PLCL2: variants seen among roughly 807,000 people sequenced by gnomAD.
PLCL2 encodes phospholipase C like 2.
PLCL2 carries 4 observed loss-of-function variants against 79.6 expected under a neutral mutation model. That is an observed-to-expected ratio of 0.05 (90% confidence interval 0.02 to 0.11). PLCL2 has a LOEUF of 0.11. Ranked by LOEUF, PLCL2 falls within the 10% of genes least tolerant of loss-of-function variation. The probability of loss-of-function intolerance (pLI) is 1.00; values close to 1 mark genes in which losing one functional copy is unlikely to be tolerated. For synonymous variants in PLCL2, 484 were observed against 457.7 expected (o/e 1.06, Z -0.73); for missense variants, 895 against 1,291.0 (o/e 0.69, Z 4.70).
Position 17,014,731 on chromosome 3 carries a change from G to A in PLCL2, c.2838G>A (p.Glu946=), listed in dbSNP as rs1227769633. Residue 946 remains glutamate (E), a synonymous_variant, in exon 3 of 6, where the codon GAG becomes GAA. Coordinates refer to ENST00000615277, the MANE Select transcript of PLCL2 (RefSeq NM_001144382.2). ...NMQNAVVSFK[E]LCGLSSVANL... ...AGAATGCGGTGGTGTCATTCAAGGA[G>A]CTGTGTGGCCTCTCCTCTGTGGCCA... is the stretch of plus-strand genomic sequence containing the variant. The A allele has an allele frequency of 3.1e-6, 5 of 1,613,790 alleles. No homozygotes were observed. The highest frequency in any genetic ancestry group is 1.7e-4 in the Middle Eastern group (1 of 6,006).
At chr3:17,005,960 T>G (rs2064256192) in intron 1 of PLCL2, among the ~76,000 whole-genome samples, 1 of 152,180 alleles carries the variant, frequency 6.6e-6, no homozygotes, top group Admixed American at 6.5e-5. Context: ...TTCTGAGAAA[T>G]AGTTTATACT....
intron 2 of PLCL2, 85 bp from the exon 3 acceptor site, chr3:17,014,623 C>A: frequency 9.4e-7 from 1 of 1,058,992 alleles, no homozygotes; most frequent in South Asian, 1.3e-5. Flanking sequence ...GTGGTTCAAG[C>A]ATAATCAGAT....
chr3:17,086,809 T>G (rs1001762724), intron 5 of PLCL2, among the ~76,000 whole-genome samples: 2 of 151,342 alleles, frequency 1.3e-5, no homozygotes, highest in Non-Finnish European at 2.9e-5. Context: ...CAAAGAACCC[T>G]TAAAACTCAA....
chr3:16,977,499 A>G (rs941003724), intron 1 of PLCL2, among the ~76,000 whole-genome samples: 3 of 152,106 alleles, frequency 2.0e-5, no homozygotes, highest in African/African-American at 4.8e-5. Context: ...CTATTATTCC[A>G]TGGAGGAGCT....
At chr3:16,986,844 A>C (rs1002333857) in intron 1 of PLCL2, among the ~76,000 whole-genome samples, 5 of 152,140 alleles carry the variant, frequency 3.3e-5, no homozygotes, top group Non-Finnish European at 5.9e-5. Flanking sequence ...CAAGCTGACG[A>C]TAGCCCGTCA....
rs1240487986 is a variant in PLCL2 at position 17,012,020 on chromosome 3, A to G, written c.2674A>G (p.Arg892Gly). Residue 892 changes from arginine to glycine, a missense_variant, in exon 2 of 6, where the codon AGG becomes GGG. Coordinates refer to ENST00000615277, the MANE Select transcript of PLCL2 (RefSeq NM_001144382.2). ...AAGAGGAGGAGGAAAGCCTCATAAA[A>G]GGGGCCTTTCTGTGAGAAAAGGGAA... is the stretch of plus-strand genomic sequence containing the variant. ...NRRGGGKPHK[R>G]GLSVRKGKKS... The G allele has an allele frequency of 6.2e-7, 1 of 1,614,184 alleles. No individual in the cohort carries two copies. The highest frequency in any genetic ancestry group is 1.3e-5 in the African/African-American group (1 of 75,056).
chr3:16,929,683 G>A (rs1697349049), intron 1 of PLCL2, among the ~76,000 whole-genome samples: 1 of 152,168 alleles, frequency 6.6e-6, no homozygotes. Flanking sequence ...CTGGGCAGGA[G>A]GATTTCTCAC....
chr3:16,908,091 G>T (rs955102435), intron 1 of PLCL2, among the ~76,000 whole-genome samples: 2 of 151,968 alleles, frequency 1.3e-5, no homozygotes, highest in Non-Finnish European at 2.9e-5. Flanking sequence ...TGGGTTTTCT[G>T]TCTCTCTATT....
At chr3:17,055,717 T>C (rs1454024599) in intron 4 of PLCL2, among the ~76,000 whole-genome samples, 1 of 152,180 alleles carries the variant, frequency 6.6e-6, no homozygotes, top group Non-Finnish European at 1.5e-5. Context: ...ATTTGCATTG[T>C]GGTGAGCACA....
At chr3:16,935,936 C>G (rs1241202187) in intron 1 of PLCL2, among the ~76,000 whole-genome samples, 1 of 152,190 alleles carries the variant, frequency 6.6e-6, no homozygotes, top group Non-Finnish European at 1.5e-5. Flanking sequence ...TCACTGATAG[C>G]TCATGTTATC....
intron 1 of PLCL2, among the ~76,000 whole-genome samples, chr3:16,931,089 G>T (rs908527774): frequency 6.6e-6 from 1 of 151,756 alleles, no homozygotes; most frequent in Non-Finnish European, 1.5e-5. Context: ...TACATCCTTG[G>T]CAAGCCATTC....
At position 16,886,508 on chromosome 3, in the gene PLCL2, T is replaced by C. The variant is rs373347652; in HGVS notation, c.327+1142T>C. 5.3e-4 allele frequency among the ~76,000 whole-genome samples: 80 copies of C among 152,366 alleles called. No homozygotes were observed. Among genetic ancestry groups the C allele is most frequent in the African/African-American group, 1.2e-3 (49 of 41,590 alleles). On this transcript the variant is annotated intron_variant, in intron 1 of 5. Transcript: ENST00000615277. This position sits in a 1 kb window ranked among gnomAD's most constrained non-coding sequence, Gnocchi z 4.2. ...AATGTCTGATGGTGTTATCAACTTATGCAGTAATCTAGTGAAATATACCAT... is the reference window on the plus strand; with the variant it reads ...AATGTCTGATGGTGTTATCAACTTACGCAGTAATCTAGTGAAATATACCAT...
chr3:17,043,008 C>A, intron 4 of PLCL2, 59 bp downstream of exon 4: 1 of 1,102,546 alleles, frequency 9.1e-7, no homozygotes, highest in Non-Finnish European at 1.4e-6. Context: ...ATACTTTGCC[C>A]CAAAACTATT....
chr3:17,084,409 G>C (rs1429972275), intron 5 of PLCL2, among the ~76,000 whole-genome samples: 1 of 152,184 alleles, frequency 6.6e-6, no homozygotes, highest in Non-Finnish European at 1.5e-5. Flanking sequence ...TAGAAGCAGA[G>C]TGAATACTTC....
intron 1 of PLCL2, among the ~76,000 whole-genome samples, chr3:16,902,093 C>A (rs1454748605): frequency 6.6e-6 from 1 of 152,190 alleles, no homozygotes; most frequent in Non-Finnish European, 1.5e-5. Context: ...CTCTAGCATG[C>A]CCCCAGCCAT....
intron 1 of PLCL2, among the ~76,000 whole-genome samples, chr3:16,927,930 G>A (rs1007758280): frequency 6.6e-6 from 1 of 152,166 alleles, no homozygotes; most frequent in Admixed American, 6.5e-5. Flanking sequence ...GCCAAGAGGC[G>A]AACATGCAGC....
chr3:16,979,870 G>T lies in PLCL2; in HGVS notation c.328-29804G>T, dbSNP rs1253673363. On this transcript the variant is annotated intron_variant, in intron 1 of 5. Coordinates refer to ENST00000615277, the MANE Select transcript of PLCL2 (RefSeq NM_001144382.2). The stretch of plus-strand genomic sequence containing the variant: ...CTGTTGGGTACACCTCCCAGACGGG[G>T]TGGTGGCCGGGCAGAGGGGCTCCTC... 9.9e-5 allele frequency among the ~76,000 whole-genome samples: 15 copies of T among 150,792 alleles called. No individual in the cohort carries two copies. In the South Asian group the frequency reaches 1.1e-3, roughly 11 times the overall value.
chr3:16,965,232 C>G (rs77362201), intron 1 of PLCL2, among the ~76,000 whole-genome samples: 2 of 151,938 alleles, frequency 1.3e-5, no homozygotes, highest in African/African-American at 4.8e-5. Context: ...TCAGCTTTCT[C>G]CATATGGCTA....
intron 1 of PLCL2, among the ~76,000 whole-genome samples, chr3:16,987,319 C>T (rs1016046422): frequency 6.6e-6 from 1 of 152,048 alleles, no homozygotes; most frequent in Non-Finnish European, 1.5e-5. Flanking sequence ...GCACAGCAGC[C>T]CCTCTGCACT....
Sources: gnomAD v4.1 joint callset for allele counts (sites outside exome capture counted in the v4.1 genomes callset) on GRCh38, gnomAD v4.1.1 for gene constraint, Gnocchi (gnomAD v3.1) non-coding constraint, MANE v1.5 for transcripts, NCBI Gene and HGNC (gene_info 2026-07-23, HGNC 2026-07-21) for gene names.